Variants in VWC2L observed in about 807,000 individuals in gnomAD.
The protein encoded by VWC2L is von Willebrand factor C domain containing 2 like, also known as von Willebrand factor C domain-containing protein 2-like.
In VWC2L, 10 loss-of-function variants were observed where a neutral mutation model predicts 21.6. The observed-to-expected ratio is 0.46, with a 90% CI of 0.29 to 0.78. The LOEUF (loss-of-function observed/expected upper bound fraction) is 0.78. VWC2L is among the 30% of genes least tolerant of loss of function. The probability of loss-of-function intolerance (pLI) is 0.10; values close to 1 mark genes in which losing one functional copy is unlikely to be tolerated. For synonymous variants in VWC2L, 96 were observed against 94.3 expected (o/e 1.02, Z -0.10); for missense variants, 209 against 277.1 (o/e 0.75, Z 1.74).
At chr2:214,523,658 G>A (rs1445189404) in intron 3 of VWC2L, among the ~76,000 whole-genome samples, 2 of 152,104 alleles carry the variant, frequency 1.3e-5, no homozygotes, top group Non-Finnish European at 2.9e-5. Context: ...GGCCAACATG[G>A]TGAAACCCCA....
At chr2:214,568,874 A>T (rs1371523794) in intron 3 of VWC2L, among the ~76,000 whole-genome samples, 1 of 152,040 alleles carries the variant, frequency 6.6e-6, no homozygotes, top group African/African-American at 2.4e-5. Context: ...TGGTATCTTA[A>T]TCCTATTGCA....
At chr2:214,492,374 G>C (rs1296821418) in intron 3 of VWC2L, among the ~76,000 whole-genome samples, 1 of 152,180 alleles carries the variant, frequency 6.6e-6, no homozygotes, top group Non-Finnish European at 1.5e-5. Flanking sequence ...ACCACAAAAG[G>C]CGGTGCCGCT....
At chr2:214,448,669 G>A (rs1702909340) in intron 3 of VWC2L, among the ~76,000 whole-genome samples, 1 of 152,102 alleles carries the variant, frequency 6.6e-6, no homozygotes, top group Admixed American at 6.6e-5. Context: ...GGTCGCTTTA[G>A]TGCAAAATTA....
At chr2:214,519,473 G>A (rs1689197211) in intron 3 of VWC2L, among the ~76,000 whole-genome samples, 1 of 152,200 alleles carries the variant, frequency 6.6e-6, no homozygotes, top group Non-Finnish European at 1.5e-5. Context: ...TCTGACAGCT[G>A]TTCTTTGCCC....
Position 214,578,878 on chromosome 2 carries a change from A to G in VWC2L, c.*3058A>G, listed in dbSNP as rs1365030440. On this transcript the variant is annotated 3_prime_UTR_variant, in exon 4 of 4. Coordinates refer to ENST00000312504, the MANE Select transcript of VWC2L (RefSeq NM_001080500.4). ...GAGAAAAAAAAAAAACCTAAACACT[A>G]AACTGTAAAAAGGGGATTCTAGCAA... The G allele has an allele frequency of 6.6e-6, 1 of 152,028 alleles. No individual in the cohort carries two copies. The highest frequency in any genetic ancestry group is 2.4e-5 in the African/African-American group (1 of 41,428). 9.4% of individuals were successfully genotyped at this position (152,028 alleles called of 1,614,324 possible). A position where few individuals can be genotyped will look rare whatever the true frequency, so the allele number is the denominator to read the frequency against.
At chr2:214,527,969 A>C (rs1689370914) in intron 3 of VWC2L, among the ~76,000 whole-genome samples, 1 of 152,218 alleles carries the variant, frequency 6.6e-6, no homozygotes, top group South Asian at 2.1e-4. Flanking sequence ...ATCATTTACA[A>C]TAAATTACAA....
At chr2:214,565,975 TC>T (rs1308709235) in intron 3 of VWC2L, among the ~76,000 whole-genome samples, 12 of 152,144 alleles carry the variant, frequency 7.9e-5, no homozygotes, top group African/African-American at 2.4e-4. Context: ...TACTCCTATC[TC>T]TTTGAACCAC....
At chr2:214,463,523 T>A (rs1232985031) in intron 3 of VWC2L, among the ~76,000 whole-genome samples, 1 of 152,206 alleles carries the variant, frequency 6.6e-6, no homozygotes, top group African/African-American at 2.4e-5. Context: ...AATCTAATAA[T>A]CTCTACTTTA....
chr2:214,465,376 C>A (rs907458366), intron 3 of VWC2L, among the ~76,000 whole-genome samples: 1 of 152,256 alleles, frequency 6.6e-6, no homozygotes, highest in East Asian at 1.9e-4. Flanking sequence ...CTGGGTCCTT[C>A]CCTTCAAGGG....
rs576638457 is a variant in VWC2L, at chr2:214,498,291, T to C, written c.520+61533T>C. On this transcript the variant is annotated intron_variant, in intron 3 of 3. Transcript: ENST00000312504. ...CCACAATGGACATAGAGAAAAACTC[T>C]TTGATAGATCCTTGGCATCTCTGCC... 7.9e-5 allele frequency among the ~76,000 whole-genome samples: 12 copies of C among 152,284 alleles called. No individual in the cohort carries two copies. In the South Asian group the frequency reaches 2.3e-3, roughly 29 times the overall value.
chr2:214,418,968 T>G (rs1479241224), intron 2 of VWC2L, among the ~76,000 whole-genome samples: 1 of 152,230 alleles, frequency 6.6e-6, no homozygotes, highest in Non-Finnish European at 1.5e-5. Flanking sequence ...GTTTTAGCTG[T>G]ACTGTCTCAC....
At chr2:214,472,020 T>C (rs911797447) in intron 3 of VWC2L, 3 of 152,176 alleles carry the variant, frequency 2.0e-5, no homozygotes, top group African/African-American at 4.8e-5. Context: ...CTCTTAATGA[T>C]TGTGTTTGGA....
intron 3 of VWC2L, among the ~76,000 whole-genome samples, chr2:214,485,886 A>G (rs1362093286): frequency 6.6e-6 from 1 of 152,244 alleles, no homozygotes; most frequent in Non-Finnish European, 1.5e-5. Context: ...TTAATTTCAT[A>G]GACTTTAAAA....
chr2:214,522,374 C>CAAAAAA (rs5838440), intron 3 of VWC2L, among the ~76,000 whole-genome samples: 1 of 102,972 alleles, frequency 9.7e-6, no homozygotes, highest in African/African-American at 4.0e-5. Context: ...GACCCCGTCT[C>CAAAAAA]AAAAAAAAAA....
intron 3 of VWC2L, among the ~76,000 whole-genome samples, chr2:214,459,902 CT>C (rs57351904): frequency 0.012 from 1,007 of 85,136 alleles, 5 homozygotes; most frequent in South Asian, 0.017. Flanking sequence ...TTTCCTTTGA[CT>C]TTTTTTTTTT....
intron 3 of VWC2L, among the ~76,000 whole-genome samples, chr2:214,482,660 TA>T (rs1334979998): frequency 1.6e-4 from 23 of 148,150 alleles, no homozygotes; most frequent in African/African-American, 5.3e-4. Context: ...TATATATATA[TA>T]TATTTTTTTT....
chr2:214,470,451 G>A (rs1488669728), intron 3 of VWC2L, among the ~76,000 whole-genome samples: 1 of 152,066 alleles, frequency 6.6e-6, no homozygotes, highest in Non-Finnish European at 1.5e-5. Context: ...GATTTAATTT[G>A]TTTTTACATG....
intron 3 of VWC2L, among the ~76,000 whole-genome samples, chr2:214,534,342 T>A (rs555222536): frequency 6.9e-4 from 105 of 152,256 alleles, no homozygotes; most frequent in African/African-American, 2.3e-3. Flanking sequence ...TTTCAAGAAA[T>A]TATTGCATTT....
In VWC2L at chr2:214,414,385, A is replaced by G. The variant is rs1702323139; in HGVS notation, c.192A>G (p.Gly64=). The change falls in exon 2 of 4, where the codon GGA becomes GGG. Residue 64 remains glycine, a synonymous_variant. Transcript: ENST00000312504. ...ACAGCGGCTTTGTATACAAGTTGGG[A>G]GAACGATTTTTCCCTGGGCATTCCA... ...VDDSGFVYKL[G]ERFFPGHSNC... is the part of the protein sequence containing the mutation. 1 of 1,613,638 alleles carries G rather than the reference A, an allele frequency of 6.2e-7. No individual in the cohort carries two copies. The highest frequency in any genetic ancestry group is 8.5e-7 in the Non-Finnish European group (1 of 1,179,746).
Sources: allele counts gnomAD v4.1 joint callset (sites outside exome capture counted in the v4.1 genomes callset), GRCh38; gene constraint gnomAD v4.1.1; transcripts MANE v1.5; gene names NCBI Gene and HGNC (gene_info 2026-07-23, HGNC 2026-07-21).